The following MPPED2 variants were observed in gnomAD, a reference collection of about 807,000 sequenced individuals.
The protein encoded by MPPED2 is metallophosphoesterase domain containing 2.
MPPED2 carries 5 observed loss-of-function variants against 33.0 expected under a neutral mutation model. That is an observed-to-expected ratio of 0.15 (90% CI 0.08 to 0.32). The LOEUF (loss-of-function observed/expected upper bound fraction) is 0.32, where lower values mean the gene tolerates loss of function less well. Among genes scored for constraint, MPPED2 ranks in the 10% least tolerant of loss-of-function variants. MPPED2 has a pLI of 1.00. For synonymous variants in MPPED2, 136 were observed against 141.9 expected (o/e 0.96, Z 0.29); for missense variants, 275 against 372.1 (o/e 0.74, Z 2.15).
chr11:30,505,116 AG>A (rs1952760218), intron 3 of MPPED2, among the ~76,000 whole-genome samples: 2 of 152,304 alleles, frequency 1.3e-5, no homozygotes, highest in South Asian at 2.1e-4. Flanking sequence ...CACTGATGGC[AG>A]GTAACAACTG....
chr11:30,585,600 G>A (rs1315577972), intron 1 of MPPED2, among the ~76,000 whole-genome samples: 2 of 151,430 alleles, frequency 1.3e-5, no homozygotes, highest in Non-Finnish European at 2.9e-5. Flanking sequence ...CATCCCCGCC[G>A]CCCGGCTTCC....
At chr11:30,424,412 C>T (rs552852321) in intron 4 of MPPED2, among the ~76,000 whole-genome samples, 1 of 152,266 alleles carries the variant, frequency 6.6e-6, no homozygotes, top group Admixed American at 6.5e-5. Context: ...CAGCCGCCAT[C>T]GGCCCCTCTC....
intron 6 of MPPED2, among the ~76,000 whole-genome samples, chr11:30,404,420 A>T (rs1424660989): frequency 6.6e-6 from 1 of 152,230 alleles, no homozygotes; most frequent in East Asian, 1.9e-4. Context: ...CATTTCATAG[A>T]GTAAATTAAA....
chr11:30,453,973 G>A (rs1950172173), intron 4 of MPPED2, among the ~76,000 whole-genome samples: 1 of 152,094 alleles, frequency 6.6e-6, no homozygotes, highest in Non-Finnish European at 1.5e-5. Flanking sequence ...GGAGTTCTGG[G>A]GAGTGTCGTC....
At chr11:30,418,972 G>A (rs1285325028) in intron 4 of MPPED2, among the ~76,000 whole-genome samples, 1 of 152,188 alleles carries the variant, frequency 6.6e-6, no homozygotes, top group East Asian at 1.9e-4. Flanking sequence ...GAAAGTTCCA[G>A]AGAGAAGAGA....
intron 2 of MPPED2, among the ~76,000 whole-genome samples, chr11:30,541,288 A>T (rs536490875): frequency 6.6e-6 from 1 of 152,316 alleles, no homozygotes; most frequent in East Asian, 1.9e-4. Flanking sequence ...AAAAAATATG[A>T]TAATATTATG....
rs577597140 is a variant in MPPED2 at position 30,584,389 on chromosome 11, G to T, written c.-122+1653C>A. On this transcript the variant is annotated intron_variant, in intron 1 of 6. Transcript: ENST00000358117. ...ACACACACACACACCACATACACTCGCCCTGCCCTTCTAGGCTCACGGCTG... is the reference window on the plus strand; with the variant it reads ...ACACACACACACACCACATACACTCTCCCTGCCCTTCTAGGCTCACGGCTG... Among the ~76,000 whole-genome samples, 351 of 131,928 alleles carry T rather than the reference G, an allele frequency of 2.7e-3. 9 individuals carry two copies. The highest frequency in any genetic ancestry group is 0.024 in the Admixed American group (335 of 14,098). 86.5% of individuals were successfully genotyped at this position (131,928 alleles called of 152,430 possible).
rs142355741 is a variant in MPPED2 at position 30,461,059 on chromosome 11, C to A, written c.536+34237G>T. 1.7e-3 allele frequency among the ~76,000 whole-genome samples: 262 copies of A among 152,288 alleles called. 3 individuals are homozygous for A. The highest frequency in any genetic ancestry group is 5.8e-3 in the African/African-American group (243 of 41,560). On this transcript the variant is annotated intron_variant, in intron 4 of 6. Transcript: ENST00000358117. ...TTCAGCTTCAAAAAGGAAGGAAATT[C>A]TGACACGTGGATGAATCTTGAGGGC...
At chr11:30,568,166 C>G (rs566113787) in intron 2 of MPPED2, among the ~76,000 whole-genome samples, 40 of 152,272 alleles carry the variant, frequency 2.6e-4, no homozygotes, top group Middle Eastern at 6.8e-3. Flanking sequence ...CTTCTATAAC[C>G]CTCACCATTA....
chr11:30,497,834 A>T (rs1952352135), intron 3 of MPPED2, among the ~76,000 whole-genome samples: 1 of 152,172 alleles, frequency 6.6e-6, no homozygotes, highest in Admixed American at 6.5e-5. Flanking sequence ...CAAAATGAAG[A>T]GCCACAAAAA....
At chr11:30,413,338 G>A (rs1396336193) in intron 6 of MPPED2, among the ~76,000 whole-genome samples, 4 of 152,192 alleles carry the variant, frequency 2.6e-5, no homozygotes, top group African/African-American at 9.7e-5. Flanking sequence ...AGAATATAGC[G>A]GCTGCCCACG....
chr11:30,535,256 G>A (rs1954748303), intron 3 of MPPED2, among the ~76,000 whole-genome samples: 1 of 152,132 alleles, frequency 6.6e-6, no homozygotes, highest in African/African-American at 2.4e-5. Context: ...CGCTCCCAGA[G>A]TGACGTCTGC....
intron 4 of MPPED2, among the ~76,000 whole-genome samples, chr11:30,444,674 T>TA (rs750526782): frequency 1.3e-5 from 2 of 152,224 alleles, no homozygotes; most frequent in Non-Finnish European, 2.9e-5. Flanking sequence ...TGCTCCTTTC[T>TA]ACGTTATTTT....
At chr11:30,394,899 A>G (rs1947821867) in intron 6 of MPPED2, among the ~76,000 whole-genome samples, 2 of 152,140 alleles carry the variant, frequency 1.3e-5, no homozygotes, top group South Asian at 4.1e-4. Context: ...TTTTGAGACA[A>G]CTTACTTTTT....
At chr11:30,440,315 G>A (rs141872841) in intron 4 of MPPED2, among the ~76,000 whole-genome samples, 1,633 of 149,588 alleles carry the variant, frequency 0.011, 36 homozygotes, top group African/African-American at 0.036. Flanking sequence ...GGGTGACAGC[G>A]TGAGACTCCG....
chr11:30,533,955 T>C (rs1368681476), intron 3 of MPPED2, among the ~76,000 whole-genome samples: 1 of 152,270 alleles, frequency 6.6e-6, no homozygotes, highest in Admixed American at 6.5e-5. Context: ...TTTTACCCTT[T>C]AAATATATTT....
At chr11:30,483,127 A>G (rs1951567579) in intron 4 of MPPED2, among the ~76,000 whole-genome samples, 1 of 152,182 alleles carries the variant, frequency 6.6e-6, no homozygotes, top group African/African-American at 2.4e-5. Flanking sequence ...AGAATTATTT[A>G]AAAGCGTAAA....
exon 7 of MPPED2, chr11:30,387,681 G>C (rs937556779): frequency 2.0e-5 from 3 of 152,196 alleles, no homozygotes; most frequent in Non-Finnish European, 4.4e-5. Flanking sequence ...GCTTCTTTGA[G>C]GTTCTGTGGT....
downstream of MPPED2, among the ~76,000 whole-genome samples, chr11:30,408,934 C>G (rs1948031583): frequency 6.6e-6 from 1 of 152,180 alleles, no homozygotes; most frequent in African/African-American, 2.4e-5. Context: ...GGCATCTGGA[C>G]AGTGCTTACA....
Sources: gnomAD v4.1 joint callset for allele counts (sites outside exome capture counted in the v4.1 genomes callset) on GRCh38, gnomAD v4.1.1 for gene constraint, MANE v1.5 for transcripts, NCBI Gene and HGNC (gene_info 2026-07-23, HGNC 2026-07-21) for gene names.